CDH15: variants seen among roughly 807,000 people sequenced by gnomAD.
CDH15 encodes the protein cadherin 15.
A neutral mutation model predicts 69.4 loss-of-function variants in CDH15; 73 were observed. That is an observed-to-expected ratio of 1.05 (90% CI 0.87 to 1.28). CDH15 has a LOEUF of 1.28. Among genes scored for constraint, CDH15 ranks in the 50% most tolerant of loss-of-function variants. The pLI is 0.00. For synonymous variants in CDH15, 624 were observed against 507.7 expected, an observed-to-expected ratio of 1.23 and a Z score of -3.08; for missense variants, 1,343 against 1,133.6, an observed-to-expected ratio of 1.18 and a Z score of -2.65.
chr16:89,178,040 T>C (rs1915295877), intron 1 of CDH15, among the ~76,000 whole-genome samples: 1 of 152,218 alleles, frequency 6.6e-6, no homozygotes, highest in African/African-American at 2.4e-5. Context: ...ACCGCATTTT[T>C]AAAACCAGAA....
At chr16:89,172,023 T>G in intron 1 of CDH15, 150 bp downstream of exon 1, 1 of 753,962 alleles carries the variant, frequency 1.3e-6, no homozygotes, top group South Asian at 1.7e-5. Context: ...GGTGGGTCCC[T>G]GGGCTGGGGG....
intron 7 of CDH15, among the ~76,000 whole-genome samples, chr16:89,189,144 C>T (rs1294370536): frequency 1.3e-5 from 2 of 148,228 alleles, no homozygotes; most frequent in African/African-American, 5.0e-5. Flanking sequence ...TGCCGGCACA[C>T]ACAGATGCCC....
intron 7 of CDH15, among the ~76,000 whole-genome samples, chr16:89,189,331 A>G (rs1325670813): frequency 6.8e-6 from 1 of 147,804 alleles, no homozygotes; most frequent in African/African-American, 2.5e-5. Context: ...ACATGCCGGC[A>G]CACACAGATG....
chr16:89,183,888 C>T (rs1003912989), intron 4 of CDH15, among the ~76,000 whole-genome samples, 196 bp downstream of exon 4: 4 of 152,188 alleles, frequency 2.6e-5, no homozygotes, highest in Admixed American at 2.6e-4. Flanking sequence ...ACCCAAAAAT[C>T]TGAGCCTGGG....
chr16:89,187,996 C>A, intron 6 of CDH15, 104 bp from the exon 7 acceptor site: 1 of 897,802 alleles, frequency 1.1e-6, no homozygotes, highest in Non-Finnish European at 1.6e-6. Flanking sequence ...TGCTGGGAGG[C>A]AGGAGGGAGG....
chr16:89,173,216 G>T (rs543917770), intron 1 of CDH15, among the ~76,000 whole-genome samples: 27 of 152,156 alleles, frequency 1.8e-4, no homozygotes, highest in Non-Finnish European at 3.5e-4. Context: ...AGGCTGGGGG[G>T]CTCCATGCCT....
At chr16:89,179,299 T>C in intron 1 of CDH15, 117 bp from the exon 2 acceptor site, 1 of 1,225,230 alleles carries the variant, frequency 8.2e-7, no homozygotes, top group Non-Finnish European at 1.2e-6. Flanking sequence ...CACCGACCCG[T>C]GGGCTGAGGG....
At chr16:89,184,892 C>T (rs1915449098) in intron 4 of CDH15, among the ~76,000 whole-genome samples, 1 of 152,228 alleles carries the variant, frequency 6.6e-6, no homozygotes, top group African/African-American at 2.4e-5. Context: ...GTGCTCCGAC[C>T]CCATAAACAG....
intron 5 of CDH15, among the ~76,000 whole-genome samples, chr16:89,186,516 C>A (rs1359149045): frequency 2.9e-5 from 4 of 137,992 alleles, no homozygotes; most frequent in Admixed American, 1.4e-4. Context: ...GCTTACCCAG[C>A]GCACAGTAGG....
intron 5 of CDH15, 178 bp downstream of exon 5, chr16:89,185,511 AGGAGCCGCGCTGGCCCGGGTGGGAG>A: frequency 1.3e-6 from 1 of 776,976 alleles, no homozygotes; most frequent in South Asian, 1.5e-5. Flanking sequence ...ATGCGCAGAC[AGGAGCCGCGCTGGCCCGGGTGGGAG>A]GGGTCTGGTG....
At chr16:89,185,734 T>C (rs987181835) in intron 5 of CDH15, 7 of 323,348 alleles carry the variant, frequency 2.2e-5, no homozygotes, top group African/African-American at 1.5e-4. Flanking sequence ...TAGGAAGCCC[T>C]CCTGGTTACA....
At chr16:89,192,163 C>G (rs773757986) in intron 10 of CDH15, 42 bp from the exon 11 acceptor site, 2 of 1,486,384 alleles carry the variant, frequency 1.3e-6, no homozygotes, top group East Asian at 2.5e-5. Context: ...GAAGTGGGGG[C>G]GGCCTCGGGA....
chr16:89,180,278 G>A lies in CDH15; in HGVS notation c.280G>A (p.Val94Ile), dbSNP rs369126978. 36 of 1,610,742 alleles carry A rather than the reference G, an allele frequency of 2.2e-5. No individual in the cohort carries two copies. The highest frequency in any genetic ancestry group is 6.7e-5 in the East Asian group (3 of 44,716). ...CGGCGTGGATGAGGAGCCCCGGGGC[G>A]TCTTCTCTATCGACAAGTTCACAGG... ...GPGVDEEPRG[V>I]FSIDKFTGKV... Residue 94 changes from valine (V) to isoleucine (I), a missense_variant, in exon 3 of 14, where the codon GTC (valine) becomes ATC (isoleucine). Coordinates refer to ENST00000289746, the MANE Select transcript of CDH15 (RefSeq NM_004933.3).
intron 1 of CDH15, among the ~76,000 whole-genome samples, chr16:89,178,621 A>C (rs1215407820): frequency 7.4e-6 from 1 of 134,388 alleles, no homozygotes; most frequent in African/African-American, 2.8e-5. Flanking sequence ...CCGCACCACC[A>C]GCGTTGGCTG....
chr16:89,172,904 T>C (rs1214600775), intron 1 of CDH15, among the ~76,000 whole-genome samples: 1 of 152,116 alleles, frequency 6.6e-6, no homozygotes, highest in Non-Finnish European at 1.5e-5. Flanking sequence ...GGTCCTGGGG[T>C]GGTCAGGGAG....
chr16:89,192,207 A>G lies in CDH15; in HGVS notation c.1618A>G (p.Ser540Gly). 6.5e-7 allele frequency: 1 copy of G among 1,528,890 alleles called. No homozygotes were observed. The highest frequency in any genetic ancestry group is 1.2e-5 in the South Asian group (1 of 83,620). The allele number at this position is 1,528,890 out of a possible 1,614,324, so 94.7% of individuals were successfully genotyped here. A position where few individuals can be genotyped will look rare whatever the true frequency, so the allele number is the denominator to read the frequency against. ...CTCACCACAGGCGCCCTCCGCAGTG[A>G]GCCACGCGCGCCTGCGGCCGCGACA... ...RNWSLSQVNV[S>G]HARLRPRHQV... The change falls in exon 11 of 14, where the codon AGC becomes GGC. Residue 540 changes from serine to glycine, a missense_variant and splice_region_variant. Physicochemically the swap from Ser to Gly is moderately conservative, Grantham distance 56. Transcript: ENST00000289746.
chr16:89,191,223 ATG>A lies in CDH15; in HGVS notation c.1233-100_1233-99del. ...GCATGTGTGCATGCATGTGGTATGTATGTGTGTGCCTGTGTGTGTGCAGTGCA... is the reference window on the plus strand; with the variant it reads ...GCATGTGTGCATGCATGTGGTATGTATGTGTGCCTGTGTGTGTGCAGTGCA... On this transcript the variant is annotated intron_variant, in intron 8 of 13. Transcript: ENST00000289746. 6 of 1,270,782 alleles carry A rather than the reference ATG, an allele frequency of 4.7e-6. No individual in the cohort carries two copies. In the East Asian group the frequency reaches 1.4e-4, roughly 30 times the overall value. 78.7% of individuals were successfully genotyped at this position (1,270,782 alleles called of 1,614,324 possible).
rs1567772351 is a variant in CDH15, at chr16:89,182,110, TG to T, written c.358-1437del. On this transcript the variant is annotated intron_variant, in intron 3 of 13. Transcript: ENST00000289746. ...TCCCCCAGCCTCCCCTCCCCCAGCC[TG>T]CCCTCCCCCAGCCTGCCCTCCCCCA... 2.7e-3 allele frequency among the ~76,000 whole-genome samples: 15 copies of T among 5,530 alleles called. No individual in the cohort carries two copies. In the East Asian group the frequency reaches 0.067, roughly 25 times the overall value. 3.6% of individuals were successfully genotyped at this position (5,530 alleles called of 152,430 possible).
rs374302975 is a variant in CDH15 at position 89,180,334 on chromosome 16, C to T, written c.336C>T (p.Arg112=). 8.1e-6 allele frequency: 13 copies of T among 1,612,414 alleles called. No homozygotes were observed. Among genetic ancestry groups the T allele is most frequent in the African/African-American group, 8.0e-5 (6 of 74,902 alleles). The change falls in exon 3 of 14, where the codon CGC becomes CGT. Residue 112 remains arginine, a synonymous_variant. Coordinates refer to ENST00000289746, the MANE Select transcript of CDH15 (RefSeq NM_004933.3). The stretch of plus-strand genomic sequence containing the variant: ...TCTTCCTCAATGCCATGCTGGACCG[C>T]GAGAAGACTGATCGCTTCAGGGTGC... ...GKVFLNAMLD[R]EKTDRFRLRA... is the part of the protein sequence containing the mutation.
Sources: gnomAD v4.1 joint callset for allele counts (sites outside exome capture counted in the v4.1 genomes callset) on GRCh38, gnomAD v4.1.1 for gene constraint, MANE v1.5 for transcripts, NCBI Gene and HGNC (gene_info 2026-07-23, HGNC 2026-07-21) for gene names.